CELF6: variants seen among roughly 807,000 people sequenced by gnomAD.
CELF6 encodes the protein Bruno -like 6, RNA binding protein.
In CELF6, 32 loss-of-function variants were observed where a neutral mutation model predicts 53.1. The ratio of observed to expected loss-of-function variants is 0.60; its 90% CI spans 0.46 to 0.81. The LOEUF is 0.81. Ranked by LOEUF, CELF6 falls within the 30% of genes least tolerant of loss-of-function variation. CELF6 has a pLI of 0.00. For synonymous variants in CELF6, 291 were observed against 288.8 expected (o/e 1.01, Z -0.08); for missense variants, 539 against 669.5 (o/e 0.81, Z 2.15).
rs1467049300 is a variant in CELF6 at position 72,290,146 on chromosome 15, A to T, written c.504T>A (p.Ser168Arg). ...GGTCACCTTTACTGGTGCCGTCAGG[A>T]CTCCGCAGGACCGTGCACTCCTCGA... is the stretch of plus-strand genomic sequence containing the variant. ...GHIEECTVLR[S>R]PDGTSKGCAF... Residue 168 changes from serine to arginine, a missense_variant, in exon 4 of 13, where the codon AGT becomes AGA. Coordinates refer to ENST00000287202, the MANE Select transcript of CELF6 (RefSeq NM_052840.5). 1 of 1,613,484 alleles carries T rather than the reference A, an allele frequency of 6.2e-7. No homozygotes were observed. Among genetic ancestry groups the T allele is most frequent in the Non-Finnish European group, 8.5e-7 (1 of 1,179,898 alleles).
chr15:72,290,761 G>T (rs1368124846), intron 3 of CELF6, among the ~76,000 whole-genome samples: 1 of 152,058 alleles, frequency 6.6e-6, no homozygotes, highest in Non-Finnish European at 1.5e-5. Context: ...TATCAAGGAG[G>T]GTTCTGGATT....
At chr15:72,291,210 C>A (rs921363996) in intron 3 of CELF6, among the ~76,000 whole-genome samples, 1 of 152,216 alleles carries the variant, frequency 6.6e-6, no homozygotes, top group African/African-American at 2.4e-5. Context: ...CAAGCTGGGC[C>A]TGTGTCCCTC....
chr15:72,288,377 G>C lies in CELF6; in HGVS notation c.1249C>G (p.Leu417Val). The change falls in exon 11 of 13, where the codon CTG becomes GTG. Residue 417 changes from leucine (L) to valine (V), a missense_variant. Coordinates refer to ENST00000287202, the MANE Select transcript of CELF6 (RefSeq NM_052840.5). The surrounding 1 kb of genome is among the most constrained non-coding windows in gnomAD (Gnocchi z 4.6). Reference sequence around the variant, plus strand: ...GCAGAGACAACGGCTCCAAAGGGCAGGAATGTCTGTATGAGTTCCGCATCA... The same window carrying C: ...GCAGAGACAACGGCTCCAAAGGGCACGAATGTCTGTATGAGTTCCGCATCA... ...FGDAELIQTF[L>V]PFGAVVSAKV... The C allele has an allele frequency of 6.2e-7, 1 of 1,614,174 alleles. No individual in the cohort carries two copies. The highest frequency in any genetic ancestry group is 8.5e-7 in the Non-Finnish European group (1 of 1,180,016).
chr15:72,298,110 G>A (rs1241510181), intron 3 of CELF6, among the ~76,000 whole-genome samples: 1 of 152,198 alleles, frequency 6.6e-6, no homozygotes, highest in East Asian at 1.9e-4. Context: ...GTCTATTTCT[G>A]ATTTAGGCCA....
rs1457690314 is a variant in CELF6 at position 72,289,837 on chromosome 15, T to TTTCCC, written c.604-72_604-68dup. ...TGGCCCCGGCCCGGGGCCGAGCGCCTTTCCCATCAGGTCCTTTCGCGGGGC... is the reference window on the plus strand; with the variant it reads ...TGGCCCCGGCCCGGGGCCGAGCGCCTTTCCCTTCCCATCAGGTCCTTTCGCGGGGC... On this transcript the variant is annotated intron_variant, in intron 5 of 12. Coordinates refer to ENST00000287202, the MANE Select transcript of CELF6 (RefSeq NM_052840.5). This position sits in a 1 kb window ranked among gnomAD's most constrained non-coding sequence, Gnocchi z 7.6. 6.7e-7 allele frequency: 1 copy of TTTCCC among 1,482,808 alleles called. No individual in the cohort carries two copies. Among genetic ancestry groups the TTTCCC allele is most frequent in the East Asian group, 2.5e-5 (1 of 40,364 alleles). 91.9% of individuals were successfully genotyped at this position (1,482,808 alleles called of 1,614,324 possible).
At chr15:72,305,787 G>C (rs2088219758) in intron 2 of CELF6, among the ~76,000 whole-genome samples, 1 of 151,744 alleles carries the variant, frequency 6.6e-6, no homozygotes, top group South Asian at 2.1e-4. Context: ...CCAGCTGCCT[G>C]CTGGACATCC....
In CELF6 at chr15:72,304,597, G is replaced by A. The variant is rs1052444612; in HGVS notation, c.394+149C>T. Reference sequence around the variant, plus strand: ...GCTCAGTCTGAGCAGGGAAGGCTGAGCTATTTCTGGGGCTCAGCAACTCTG... The same window carrying A: ...GCTCAGTCTGAGCAGGGAAGGCTGAACTATTTCTGGGGCTCAGCAACTCTG... On this transcript the variant is annotated intron_variant, in intron 3 of 12. Transcript: ENST00000287202. 6 of 685,484 alleles carry A rather than the reference G, an allele frequency of 8.8e-6. No individual in the cohort carries two copies. The Admixed American group carries it at 1.6e-4, about 18-fold the overall frequency. The allele number at this position is 685,484 out of a possible 1,614,324, so 42.5% of individuals were successfully genotyped here. A position where few individuals can be genotyped will look rare whatever the true frequency, so the allele number is the denominator to read the frequency against.
chr15:72,317,129 G>C (rs534545348), intron 1 of CELF6, among the ~76,000 whole-genome samples: 1 of 152,308 alleles, frequency 6.6e-6, no homozygotes, highest in East Asian at 1.9e-4. Context: ...AGATATGCAG[G>C]AATCAAGTCA....
At chr15:72,291,616 T>A (rs2088007430) in intron 3 of CELF6, among the ~76,000 whole-genome samples, 1 of 152,110 alleles carries the variant, frequency 6.6e-6, no homozygotes, top group Admixed American at 6.5e-5. Flanking sequence ...AACAGACTGT[T>A]CAAAACTGAA....
At position 72,289,438 on chromosome 15, in the gene CELF6, C is replaced by T; in HGVS notation, c.817G>A (p.Ala273Thr). ...GPGLGPVAAV[A>T]AQMQHVAAFS... is the part of the protein sequence containing the mutation. ...GCCGCCACGTGTTGCATCTGGGCCGCCACTGCCGCCACCGGGCCTAGGCCT... is the reference window on the plus strand; with the variant it reads ...GCCGCCACGTGTTGCATCTGGGCCGTCACTGCCGCCACCGGGCCTAGGCCT... Residue 273 changes from alanine (A) to threonine (T), a missense_variant, in exon 7 of 13, where the codon GCG (alanine) becomes ACG (threonine). This residue lies in a region of CELF6 where 358 missense variants were observed against 412.8 expected (regional missense o/e 0.87). Transcript: ENST00000287202. The surrounding 1 kb of genome is among the most constrained non-coding windows in gnomAD (Gnocchi z 7.6). 3 of 1,544,642 alleles carry T rather than the reference C, an allele frequency of 1.9e-6. No homozygotes were observed. Among genetic ancestry groups the T allele is most frequent in the South Asian group, 1.2e-5 (1 of 84,724 alleles).
chr15:72,305,120 A>G (rs1164877190), intron 2 of CELF6, among the ~76,000 whole-genome samples: 1 of 152,160 alleles, frequency 6.6e-6, no homozygotes, highest in African/African-American at 2.4e-5. Context: ...GACTTACTTA[A>G]AGGCTTTGCA....
intron 3 of CELF6, among the ~76,000 whole-genome samples, chr15:72,304,171 C>T (rs1257229141): frequency 3.9e-5 from 6 of 152,112 alleles, no homozygotes; most frequent in Non-Finnish European, 1.5e-5. Flanking sequence ...GTGCTCAGCC[C>T]ACCTCCTGTT....
chr15:72,294,126 A>T (rs2088043875), intron 3 of CELF6, among the ~76,000 whole-genome samples: 1 of 152,202 alleles, frequency 6.6e-6, no homozygotes, highest in South Asian at 2.1e-4. Flanking sequence ...CATCCCAGTA[A>T]TCATAGCAGA....
rs2088399671 is a variant in CELF6 at position 72,319,419 on chromosome 15, G to T, written c.262+194C>A. Reference sequence around the variant, plus strand: ...GGTTAGAGTGGAGAACATGTTAGGGGACCACAGTGATAATCAGAGGGAGGA... The same window carrying T: ...GGTTAGAGTGGAGAACATGTTAGGGTACCACAGTGATAATCAGAGGGAGGA... On this transcript the variant is annotated intron_variant, in intron 1 of 12. Transcript: ENST00000287202. This position sits in a 1 kb window ranked among gnomAD's most constrained non-coding sequence, Gnocchi z 5.0. Among the ~76,000 whole-genome samples, 1 of 152,128 alleles carries T rather than the reference G, an allele frequency of 6.6e-6. No homozygotes were observed.
At chr15:72,318,181 G>A (rs1416550192) in intron 1 of CELF6, among the ~76,000 whole-genome samples, 1 of 152,146 alleles carries the variant, frequency 6.6e-6, no homozygotes, top group African/African-American at 2.4e-5. Flanking sequence ...ACTCTAGATG[G>A]TGAGGTATTG....
At chr15:72,308,654 T>C (rs1037583681) in intron 2 of CELF6, among the ~76,000 whole-genome samples, 2 of 152,192 alleles carry the variant, frequency 1.3e-5, no homozygotes, top group African/African-American at 4.8e-5. Context: ...TCAAAGGCAA[T>C]GAGGATCCAG....
At position 72,289,922 on chromosome 15, in the gene CELF6, AG is replaced by A; in HGVS notation, c.603+16del. ...ACCCCACTGGCCTCACCCTCAGCCC[AG>A]GGAACCCGCCCTCACCGCCATGGTC... On this transcript the variant is annotated intron_variant, in intron 5 of 12. Coordinates refer to ENST00000287202, the MANE Select transcript of CELF6 (RefSeq NM_052840.5). This position sits in a 1 kb window ranked among gnomAD's most constrained non-coding sequence, Gnocchi z 7.6. 6.4e-7 allele frequency: 1 copy of A among 1,551,958 alleles called. No homozygotes were observed. Among genetic ancestry groups the A allele is most frequent in the Non-Finnish European group, 8.7e-7 (1 of 1,150,888 alleles).
intron 2 of CELF6, among the ~76,000 whole-genome samples, chr15:72,305,963 C>CT (rs2088224723): frequency 1.3e-5 from 2 of 151,646 alleles, no homozygotes; most frequent in Non-Finnish European, 2.9e-5. Flanking sequence ...CCAACTTCAT[C>CT]TTTTAATTCA....
rs959191332 is a variant in CELF6 at position 72,285,230 on chromosome 15, C to T, written c.*1141G>A. The stretch of plus-strand genomic sequence containing the variant: ...GGAATGAAGAAGTATTTTGGCAAAA[C>T]ATCTACTTCCCTCCCAGGTCTGGGG... On this transcript the variant is annotated 3_prime_UTR_variant, in exon 13 of 13. Coordinates refer to ENST00000287202, the MANE Select transcript of CELF6 (RefSeq NM_052840.5). 1.0e-4 allele frequency: 16 copies of T among 152,660 alleles called. No homozygotes were observed. The allele number at this position is 152,660 out of a possible 1,614,324, so 9.5% of individuals were successfully genotyped here.
Sources: allele counts gnomAD v4.1 joint callset (sites outside exome capture counted in the v4.1 genomes callset), GRCh38; gene constraint gnomAD v4.1.1; regional missense constraint gnomAD v4.1.1; non-coding constraint Gnocchi (gnomAD v3.1); transcripts MANE v1.5; gene names NCBI Gene and HGNC (gene_info 2026-07-23, HGNC 2026-07-21).